Variants in C7orf33 observed in about 807,000 individuals in gnomAD.
C7orf33 encodes chromosome 7 open reading frame 33, also known as uncharacterized protein C7orf33.
A neutral mutation model predicts 13.4 loss-of-function variants in C7orf33; 15 were observed. The ratio of observed to expected loss-of-function variants is 1.12; its 90% CI spans 0.75 to 1.72. The LOEUF is 1.72. Among genes scored for constraint, C7orf33 ranks in the 40% most tolerant of loss-of-function variants. The probability of loss-of-function intolerance (pLI) is 0.00; values close to 1 mark genes in which losing one functional copy is unlikely to be tolerated. For synonymous variants in C7orf33, 73 were observed against 83.2 expected (o/e 0.88, Z 0.67); for missense variants, 187 against 220.3 (o/e 0.85, Z 0.96).
chr7:148,600,557 C>A (rs1193000706), intron 1 of C7orf33, among the ~76,000 whole-genome samples: 1 of 152,136 alleles, frequency 6.6e-6, no homozygotes, highest in Non-Finnish European at 1.5e-5. Flanking sequence ...ATACTGGGAA[C>A]TTTTTACTGT....
At chr7:148,604,556 G>T (rs1796452176) in intron 1 of C7orf33, among the ~76,000 whole-genome samples, 1 of 152,196 alleles carries the variant, frequency 6.6e-6, no homozygotes, top group Non-Finnish European at 1.5e-5. Flanking sequence ...GGGGACTCAG[G>T]GGAAAGGGTG....
rs76271027 is a variant in C7orf33, at chr7:148,596,269, G to A, written c.204+5140G>A. ...TATCAACTTCCCCCACCAGAATGGT[G>A]GATTTTTTACAACTGATGAACCAAC... On this transcript the variant is annotated intron_variant, in intron 1 of 2. Transcript: ENST00000307003. 9.6e-3 allele frequency among the ~76,000 whole-genome samples: 1,464 copies of A among 152,170 alleles called. 20 individuals are homozygous for A. The highest frequency in any genetic ancestry group is 0.034 in the African/African-American group (1,398 of 41,532).
At chr7:148,598,055 TC>T (rs1427558058) in intron 1 of C7orf33, among the ~76,000 whole-genome samples, 1 of 152,310 alleles carries the variant, frequency 6.6e-6, no homozygotes, top group East Asian at 1.9e-4. Flanking sequence ...GCGCCCAGCC[TC>T]CCTTGCGTTT....
In C7orf33 at chr7:148,590,952, C is replaced by T. The variant is rs750523525; in HGVS notation, c.27C>T (p.Ser9=). The change falls in exon 1 of 3, where the codon AGC becomes AGT. Residue 9 remains serine (S), a synonymous_variant. Transcript: ENST00000307003. MQVEVQSL[S]LEECPWRLPG... ...TGCAAGTGGAAGTTCAAAGCCTCAG[C>T]CTTGAAGAGTGTCCCTGGAGACTTC... The T allele has an allele frequency of 9.9e-6, 16 of 1,614,178 alleles. No individual in the cohort carries two copies. Among genetic ancestry groups the T allele is most frequent in the Middle Eastern group, 1.6e-4 (1 of 6,062 alleles).
At chr7:148,601,600 G>A (rs1248140118) in intron 1 of C7orf33, among the ~76,000 whole-genome samples, 3 of 152,172 alleles carry the variant, frequency 2.0e-5, no homozygotes, top group Non-Finnish European at 4.4e-5. Flanking sequence ...GCCTGCCTTG[G>A]TCTCCCAAAG....
intron 1 of C7orf33, among the ~76,000 whole-genome samples, chr7:148,594,221 G>T (rs931180227): frequency 1.3e-5 from 2 of 149,576 alleles, no homozygotes; most frequent in Non-Finnish European, 3.0e-5. Flanking sequence ...TGTCGCCCAG[G>T]CTGGAGTGCA....
chr7:148,592,419 A>T (rs967697342), intron 1 of C7orf33, among the ~76,000 whole-genome samples: 2 of 152,184 alleles, frequency 1.3e-5, no homozygotes, highest in Non-Finnish European at 2.9e-5. Context: ...AATGACGTAT[A>T]TGTGCTTAAA....
intron 1 of C7orf33, among the ~76,000 whole-genome samples, chr7:148,605,458 CAAGGCTAGAGGAGGA>C (rs1233009670): frequency 6.6e-6 from 1 of 152,216 alleles, no homozygotes; most frequent in Non-Finnish European, 1.5e-5. Context: ...AGGGAGACTG[CAAGGCTAGAGGAGGA>C]GGAAAGGATG....
intron 1 of C7orf33, among the ~76,000 whole-genome samples, chr7:148,606,539 G>T (rs924549282): frequency 4.6e-5 from 7 of 152,150 alleles, no homozygotes; most frequent in Non-Finnish European, 8.8e-5. Context: ...ATCATGTGTA[G>T]GGGAAGAAAA....
intron 1 of C7orf33, among the ~76,000 whole-genome samples, chr7:148,595,471 T>A (rs1379722975): frequency 7.6e-6 from 1 of 131,394 alleles, no homozygotes; most frequent in Non-Finnish European, 1.5e-5. Flanking sequence ...ATATATATGC[T>A]ATTATATATT....
chr7:148,596,772 C>T (rs535174026), intron 1 of C7orf33, among the ~76,000 whole-genome samples: 5 of 152,086 alleles, frequency 3.3e-5, no homozygotes, highest in Non-Finnish European at 7.4e-5. Context: ...CCCTAAAAAT[C>T]CTCTGTGCTC....
intron 1 of C7orf33, among the ~76,000 whole-genome samples, chr7:148,611,800 C>T (rs951955499): frequency 2.6e-5 from 4 of 152,238 alleles, no homozygotes; most frequent in African/African-American, 9.6e-5. Flanking sequence ...GTTGCAGACA[C>T]CCACCCCTAG....
intron 1 of C7orf33, among the ~76,000 whole-genome samples, chr7:148,596,305 T>C (rs1337148755): frequency 6.6e-6 from 1 of 152,176 alleles, no homozygotes; most frequent in African/African-American, 2.4e-5. Flanking sequence ...ATTGATGTAT[T>C]ATCACCTGAA....
intron 1 of C7orf33, among the ~76,000 whole-genome samples, chr7:148,593,243 G>A (rs184515654): frequency 1.3e-5 from 2 of 152,106 alleles, no homozygotes; most frequent in Non-Finnish European, 2.9e-5. Flanking sequence ...CCAAAGCTCA[G>A]AATGTTCTGA....
At chr7:148,613,954 A>G (rs917111917) in intron 1 of C7orf33, 88 bp from the exon 2 acceptor site, 1 of 1,385,910 alleles carries the variant, frequency 7.2e-7, no homozygotes, top group Non-Finnish European at 9.9e-7. Context: ...TAGTAGCCTC[A>G]AAAGAAATGT....
At chr7:148,593,763 A>G (rs1796296091) in intron 1 of C7orf33, among the ~76,000 whole-genome samples, 1 of 152,134 alleles carries the variant, frequency 6.6e-6, no homozygotes, top group Admixed American at 6.5e-5. Context: ...GAGACTCCCA[A>G]CTGGGATTGA....
At chr7:148,608,469 G>C (rs1796499829) in intron 1 of C7orf33, among the ~76,000 whole-genome samples, 2 of 151,798 alleles carry the variant, frequency 1.3e-5, no homozygotes, top group African/African-American at 4.8e-5. Flanking sequence ...CCCCTTGCCT[G>C]CCAAAGTGAC....
intron 1 of C7orf33, among the ~76,000 whole-genome samples, chr7:148,613,651 G>A (rs1796571166): frequency 6.6e-6 from 1 of 152,156 alleles, no homozygotes; most frequent in African/African-American, 2.4e-5. Flanking sequence ...GGTTGCCTGG[G>A]GAGACTTAGG....
chr7:148,614,744 G>A (rs1192450144), intron 2 of C7orf33, among the ~76,000 whole-genome samples: 1 of 152,132 alleles, frequency 6.6e-6, no homozygotes, highest in Non-Finnish European at 1.5e-5. Context: ...CATGAAATTG[G>A]TGCCTCAAAC....
Sources: gnomAD v4.1 joint callset for allele counts (sites outside exome capture counted in the v4.1 genomes callset) on GRCh38, gnomAD v4.1.1 for gene constraint, MANE v1.5 for transcripts, NCBI Gene and HGNC (gene_info 2026-07-23, HGNC 2026-07-21) for gene names.